UNC93A: variants seen among roughly 807,000 people sequenced by gnomAD.
UNC93A encodes unc-93 homolog A, also known as N-acetylglucosamine transporter UNC93A.
A neutral mutation model predicts 47.5 loss-of-function variants in UNC93A; 43 were observed. The ratio of observed to expected loss-of-function variants is 0.91; its 90% CI spans 0.71 to 1.17. UNC93A has a LOEUF of 1.17. Ranked by LOEUF, UNC93A falls within the 50% of genes most tolerant of loss-of-function variation. The pLI, the probability that UNC93A is intolerant of heterozygous loss-of-function variation, is 0.00. For synonymous variants in UNC93A, 280 were observed against 258.0 expected, an observed-to-expected ratio of 1.09 and a Z score of -0.82; for missense variants, 605 against 577.6, an observed-to-expected ratio of 1.05 and a Z score of -0.49.
chr6:167,297,343 A>G (rs1333940786), intron 3 of UNC93A, among the ~76,000 whole-genome samples: 1 of 152,126 alleles, frequency 6.6e-6, no homozygotes, highest in Non-Finnish European at 1.5e-5. Flanking sequence ...GCTGTCTGTT[A>G]TATAATTTGT....
chr6:167,291,040 T>G (rs2115108126), upstream of UNC93A, among the ~76,000 whole-genome samples: 1 of 152,350 alleles, frequency 6.6e-6, no homozygotes, highest in Admixed American at 6.5e-5. Context: ...CTTTGTTCTT[T>G]AAGACTGAAG....
rs75803465 is a variant in UNC93A at position 167,313,501 on chromosome 6, G to A, written c.1109-1686G>A. On this transcript the variant is annotated intron_variant, in intron 7 of 7. Coordinates refer to ENST00000230256, the MANE Select transcript of UNC93A (RefSeq NM_018974.4). ...CAACCAGAACTTGACGAAGGGAGAT[G>A]GTGGGGGGGCTGGGGGAGTGGAGTG... Among the ~76,000 whole-genome samples, 346 of 152,146 alleles carry A rather than the reference G, an allele frequency of 2.3e-3. 2 individuals are homozygous for A. The highest frequency in any genetic ancestry group is 7.9e-3 in the African/African-American group (328 of 41,462).
chr6:167,315,506 C>A lies in UNC93A; in HGVS notation c.*54C>A. 1.2e-6 allele frequency: 2 copies of A among 1,613,264 alleles called. No individual in the cohort carries two copies. The highest frequency in any genetic ancestry group is 1.7e-6 in the Non-Finnish European group (2 of 1,179,804). On this transcript the variant is annotated 3_prime_UTR_variant, in exon 8 of 8. Transcript: ENST00000230256. ...CAGAAAGCACCAGCCAGAGAATTTT[C>A]TTAGAAGATGCCTCAGGACATAGAG... is the stretch of plus-strand genomic sequence containing the variant.
chr6:167,269,767 T>C (rs1230321253), upstream of UNC93A, among the ~76,000 whole-genome samples: 1 of 151,612 alleles, frequency 6.6e-6, no homozygotes, highest in Non-Finnish European at 1.5e-5. Flanking sequence ...CCACCACGCC[T>C]GGCTTTTTTT....
Position 167,315,641 on chromosome 6 carries a change from A to T in UNC93A, c.*189A>T. The stretch of plus-strand genomic sequence containing the variant: ...TAACAAATTTTTCGTCCACCATCTT[A>T]ACAGAGATCAAGTGTATACATGAAG... On this transcript the variant is annotated 3_prime_UTR_variant, in exon 8 of 8. Transcript: ENST00000230256. The T allele has an allele frequency of 3.0e-6, 2 of 677,398 alleles. No individual in the cohort carries two copies. Among genetic ancestry groups the T allele is most frequent in the African/African-American group, 1.9e-5 (1 of 52,882 alleles). The allele number at this position is 677,398 out of a possible 1,614,324, so 42.0% of individuals were successfully genotyped here.
chr6:167,289,881 T>G (rs1783811691), upstream of UNC93A, among the ~76,000 whole-genome samples: 1 of 152,222 alleles, frequency 6.6e-6, no homozygotes, highest in Admixed American at 6.5e-5. Context: ...CACATTATGC[T>G]AATTTCTTTA....
intron 1 of UNC93A, among the ~76,000 whole-genome samples, chr6:167,292,330 C>T (rs763504501): frequency 6.6e-6 from 1 of 152,170 alleles, no homozygotes. Context: ...TTCAGAGCTT[C>T]TGATGACAAA....
chr6:167,298,621 C>T (rs904444600), intron 4 of UNC93A, among the ~76,000 whole-genome samples: 21 of 151,458 alleles, frequency 1.4e-4, no homozygotes, highest in Middle Eastern at 3.2e-3. Context: ...TAGCTGGAGA[C>T]GTTGCAAGCT....
Position 167,307,765 on chromosome 6 carries a change from C to G in UNC93A, c.977-14C>G, listed in dbSNP as rs3817768. On this transcript the variant is annotated splice_polypyrimidine_tract_variant and intron_variant, in intron 6 of 7. Coordinates refer to ENST00000230256, the MANE Select transcript of UNC93A (RefSeq NM_018974.4). The stretch of plus-strand genomic sequence containing the variant: ...GGCCCTCATCGCCTGGCGGTTTCCC[C>G]TCTGCACCCCCAGGCGCGGTGACCC... 493,918 of 1,602,702 alleles carry G rather than the reference C, an allele frequency of 0.31. 77,948 individuals are homozygous for G. The highest frequency in any genetic ancestry group is 0.49 in the East Asian group (21,888 of 44,564).
At chr6:167,304,551 C>T (rs563207043) in intron 5 of UNC93A, among the ~76,000 whole-genome samples, 3 of 113,216 alleles carry the variant, frequency 2.6e-5, no homozygotes, top group Non-Finnish European at 5.6e-5. Flanking sequence ...TTTCTTATCT[C>T]TCTAGTTTTT....
At chr6:167,310,838 G>A (rs1378100449) in intron 7 of UNC93A, among the ~76,000 whole-genome samples, 7 of 152,322 alleles carry the variant, frequency 4.6e-5, no homozygotes, top group South Asian at 2.1e-4. Flanking sequence ...CTGAGATCAC[G>A]TCATTGCACT....
At chr6:167,272,507 C>T (rs1243758149) in intron 1 of UNC93A, among the ~76,000 whole-genome samples, 2 of 152,200 alleles carry the variant, frequency 1.3e-5, no homozygotes, top group Non-Finnish European at 2.9e-5. Flanking sequence ...ACACAACCCT[C>T]AGGAGGTCCT....
chr6:167,276,759 T>G (rs1232700460), intron 1 of UNC93A, among the ~76,000 whole-genome samples: 12 of 148,212 alleles, frequency 8.1e-5, no homozygotes, highest in Non-Finnish European at 1.5e-5. Flanking sequence ...TTCTCAAGTC[T>G]AAGCAAAAAA....
At chr6:167,289,597 A>G (rs998996311), upstream of UNC93A, among the ~76,000 whole-genome samples, 2 of 152,110 alleles carry the variant, frequency 1.3e-5, no homozygotes, top group Admixed American at 1.3e-4. Context: ...TAGAAGGCAT[A>G]GGCTGGTGAA....
At position 167,294,709 on chromosome 6, in the gene UNC93A, A is replaced by G. The variant is rs73790200; in HGVS notation, c.269+11A>G. On this transcript the variant is annotated intron_variant, in intron 2 of 7. Coordinates refer to ENST00000230256, the MANE Select transcript of UNC93A (RefSeq NM_018974.4). ...CTTCTTCGCCAGCTGGTACGCAGCC[A>G]CCACCCCCTGCCCACCCCACCCCGG... 12,373 of 1,577,686 alleles carry G rather than the reference A, an allele frequency of 7.8e-3. 825 individuals are homozygous for G. The African/African-American group carries it at 0.15, about 19-fold the overall frequency.
chr6:167,277,426 C>T (rs533287928), intron 1 of UNC93A, among the ~76,000 whole-genome samples: 1 of 152,328 alleles, frequency 6.6e-6, no homozygotes, highest in South Asian at 2.1e-4. Context: ...CTGGCTTTTG[C>T]TGCAGGGCTT....
intron 1 of UNC93A, among the ~76,000 whole-genome samples, chr6:167,284,663 A>C (rs1385346371): frequency 6.6e-6 from 1 of 152,300 alleles, no homozygotes. Flanking sequence ...ACACTGGGTA[A>C]GAAAAACACA....
intron 4 of UNC93A, among the ~76,000 whole-genome samples, chr6:167,300,592 G>A (rs920236477): frequency 2.0e-5 from 3 of 152,170 alleles, no homozygotes; most frequent in African/African-American, 7.2e-5. Context: ...GGAAGGTGTG[G>A]ACAGGGAGTC....
At chr6:167,295,378 C>A (rs1026450763) in intron 2 of UNC93A, among the ~76,000 whole-genome samples, 11 of 151,586 alleles carry the variant, frequency 7.3e-5, no homozygotes, top group Non-Finnish European at 1.5e-4. Context: ...GGCTGTCCCT[C>A]GGCCTCCCTC....
Sources: gnomAD v4.1 joint callset for allele counts (sites outside exome capture counted in the v4.1 genomes callset) on GRCh38, gnomAD v4.1.1 for gene constraint, MANE v1.5 for transcripts, NCBI Gene and HGNC (gene_info 2026-07-23, HGNC 2026-07-21) for gene names.